Variants in YWHAQ observed in about 807,000 individuals in gnomAD.
YWHAQ encodes tyrosine 3-monooxygenase/tryptophan 5-monooxygenase activation protein theta.
YWHAQ carries 6 observed loss-of-function variants against 28.3 expected under a neutral mutation model. That is an observed-to-expected ratio of 0.21 (90% CI 0.12 to 0.42). The LOEUF (loss-of-function observed/expected upper bound fraction) is 0.42, where lower values mean the gene tolerates loss of function less well. Ranked by LOEUF, YWHAQ falls within the 10% of genes least tolerant of loss-of-function variation. The pLI is 1.00. For missense variants in YWHAQ, 201 were observed against 305.6 expected, an observed-to-expected ratio of 0.66 and a Z score of 2.55; for synonymous variants, 143 against 119.1, an observed-to-expected ratio of 1.20 and a Z score of -1.31.
At chr2:9,604,311 G>A (rs767996172) in intron 2 of YWHAQ, among the ~76,000 whole-genome samples, 4 of 152,168 alleles carry the variant, frequency 2.6e-5, no homozygotes, top group Admixed American at 6.5e-5. Context: ...GCACTAAGAT[G>A]TAGAAAGTCA....
In YWHAQ at chr2:9,630,770, C is replaced by G. The variant is rs923032013; in HGVS notation, c.-83+171G>C. ...CGAGCCGCGGCCGCTCCCGCCACCC[C>G]CGCCCGGCCGGCCCAAGATGGAAGC... On this transcript the variant is annotated intron_variant, in intron 1 of 5. Coordinates refer to ENST00000238081, the MANE Select transcript of YWHAQ (RefSeq NM_006826.4). The surrounding 1 kb of genome is among the most constrained non-coding windows in gnomAD (Gnocchi z 5.6). The G allele has an allele frequency of 7.9e-5, 12 of 151,424 alleles. No individual in the cohort carries two copies. Among genetic ancestry groups the G allele is most frequent in the Non-Finnish European group, 1.6e-4 (11 of 68,052 alleles). The allele number at this position is 151,424 out of a possible 1,614,324, so 9.4% of individuals were successfully genotyped here.
chr2:9,602,055 C>A (rs1666704979), intron 2 of YWHAQ, among the ~76,000 whole-genome samples: 1 of 152,220 alleles, frequency 6.6e-6, no homozygotes, highest in South Asian at 2.1e-4. Context: ...AAAAATAAAG[C>A]AACTTTAGTA....
intron 2 of YWHAQ, among the ~76,000 whole-genome samples, chr2:9,617,335 T>C (rs552546498): frequency 2.9e-4 from 44 of 152,216 alleles, no homozygotes; most frequent in African/African-American, 9.4e-4. Context: ...GATACATGTT[T>C]CAACATAAAC....
chr2:9,600,705 C>CA (rs1003394381), intron 2 of YWHAQ, among the ~76,000 whole-genome samples: 66 of 147,850 alleles, frequency 4.5e-4, no homozygotes, highest in African/African-American at 1.1e-3. Flanking sequence ...AACTCTGTCT[C>CA]AAAAAAAAAG....
chr2:9,602,159 G>A (rs1036492059), intron 2 of YWHAQ, among the ~76,000 whole-genome samples: 7 of 152,034 alleles, frequency 4.6e-5, no homozygotes, highest in East Asian at 1.9e-4. Context: ...AGGTGTGGTG[G>A]CTCATGCCTA....
intron 2 of YWHAQ, among the ~76,000 whole-genome samples, chr2:9,616,086 A>G (rs1667036290): frequency 1.3e-5 from 2 of 152,218 alleles, no homozygotes; most frequent in South Asian, 4.1e-4. Flanking sequence ...ACAGTAGAGT[A>G]ATGGAAACAA....
chr2:9,587,406 C>G lies in YWHAQ; in HGVS notation c.678+8G>C. ...AAGAAAATAAAATTAAAAGAGTAAA[C>G]AACTCACTGTTAGGTTGTCTCTAAG... On this transcript the variant is annotated splice_region_variant and intron_variant, in intron 5 of 5. Transcript: ENST00000238081. 2.5e-6 allele frequency: 4 copies of G among 1,593,970 alleles called. No individual in the cohort carries two copies. The highest frequency in any genetic ancestry group is 3.4e-6 in the Non-Finnish European group (4 of 1,173,630).
At chr2:9,591,342 C>A in intron 3 of YWHAQ, 50 bp downstream of exon 3, 1 of 1,582,204 alleles carries the variant, frequency 6.3e-7, no homozygotes, top group South Asian at 1.1e-5. Context: ...CATTTATCCC[C>A]ATTTCTTTTT....
chr2:9,627,463 T>C (rs1667269963), intron 2 of YWHAQ, among the ~76,000 whole-genome samples: 1 of 152,218 alleles, frequency 6.6e-6, no homozygotes, highest in African/African-American at 2.4e-5. Context: ...TCATCAATTA[T>C]CACTTGTCTT....
At chr2:9,585,417 CA>C in intron 5 of YWHAQ, 72 bp from the exon 6 acceptor site, 1 of 1,518,534 alleles carries the variant, frequency 6.6e-7, no homozygotes, top group Non-Finnish European at 9.1e-7. Flanking sequence ...ATTGTTATAT[CA>C]AAATTAACTA....
chr2:9,602,421 TAAATAAATAA>T (rs930789249), intron 2 of YWHAQ, among the ~76,000 whole-genome samples: 1 of 151,992 alleles, frequency 6.6e-6, no homozygotes, highest in African/African-American at 2.4e-5. Context: ...TCTCAATAAA[TAAATAAATAA>T]AAATAAGTCC....
intron 2 of YWHAQ, among the ~76,000 whole-genome samples, chr2:9,601,183 C>T (rs111544928): frequency 0.043 from 6,507 of 152,194 alleles, 384 homozygotes; most frequent in African/African-American, 0.13. Context: ...TAATTCAGGC[C>T]GGTCATGGTG....
intron 2 of YWHAQ, among the ~76,000 whole-genome samples, chr2:9,598,011 T>TTTTTTG (rs1397521514): frequency 3.6e-5 from 5 of 137,100 alleles, no homozygotes; most frequent in Non-Finnish European, 8.0e-5. Flanking sequence ...TTTTTTTTTT[T>TTTTTTG]TTAGTAGAGA....
In YWHAQ at chr2:9,630,488, G is replaced by A. The variant is rs1479448773; in HGVS notation, c.-36C>T. On this transcript the variant is annotated 5_prime_UTR_variant, in exon 2 of 6. Coordinates refer to ENST00000238081, the MANE Select transcript of YWHAQ (RefSeq NM_006826.4). The surrounding 1 kb of genome is among the most constrained non-coding windows in gnomAD (Gnocchi z 5.6). Reference sequence around the variant, plus strand: ...GGGCCGGGGCCGGGGCGGAGGGCGAGGAGAGCGAGGGCGAGCGCCGACCCG... The same window carrying A: ...GGGCCGGGGCCGGGGCGGAGGGCGAAGAGAGCGAGGGCGAGCGCCGACCCG... 4 of 1,532,436 alleles carry A rather than the reference G, an allele frequency of 2.6e-6. No individual in the cohort carries two copies. Among genetic ancestry groups the A allele is most frequent in the East Asian group, 2.3e-5 (1 of 43,356 alleles). 94.9% of individuals were successfully genotyped at this position (1,532,436 alleles called of 1,614,324 possible). A position where few individuals can be genotyped will look rare whatever the true frequency, so the allele number is the denominator to read the frequency against.
chr2:9,618,321 A>C (rs1315459738), intron 2 of YWHAQ, among the ~76,000 whole-genome samples: 4 of 152,260 alleles, frequency 2.6e-5, no homozygotes, highest in Non-Finnish European at 5.9e-5. Context: ...ACAAAAAACA[A>C]GATAGCTTCT....
At chr2:9,601,474 C>A (rs1348628471) in intron 2 of YWHAQ, among the ~76,000 whole-genome samples, 1 of 152,012 alleles carries the variant, frequency 6.6e-6, no homozygotes, top group Non-Finnish European at 1.5e-5. Context: ...CTCAAAAAAA[C>A]AAACAAACAA....
At chr2:9,591,196 T>C (rs1223168418) in intron 3 of YWHAQ, among the ~76,000 whole-genome samples, 196 bp downstream of exon 3, 1 of 152,240 alleles carries the variant, frequency 6.6e-6, no homozygotes, top group Non-Finnish European at 1.5e-5. Context: ...AGCTTAATTT[T>C]TTTAAAGAGC....
At chr2:9,596,529 AT>A (rs1296735879) in intron 2 of YWHAQ, among the ~76,000 whole-genome samples, 1 of 152,192 alleles carries the variant, frequency 6.6e-6, no homozygotes, top group East Asian at 1.9e-4. Context: ...AAGAAGTTTC[AT>A]TTTCCTAATA....
At chr2:9,588,686 G>A (rs1006196647) in intron 3 of YWHAQ, among the ~76,000 whole-genome samples, 4 of 152,082 alleles carry the variant, frequency 2.6e-5, no homozygotes, top group African/African-American at 7.2e-5. Context: ...CATGAGAATC[G>A]CTTGAACCTG....
Sources: allele counts gnomAD v4.1 joint callset (sites outside exome capture counted in the v4.1 genomes callset), GRCh38; gene constraint gnomAD v4.1.1; non-coding constraint Gnocchi (gnomAD v3.1); transcripts MANE v1.5; gene names NCBI Gene and HGNC (gene_info 2026-07-23, HGNC 2026-07-21).